EDIL3: variants seen among roughly 807,000 people sequenced by gnomAD.
The protein encoded by EDIL3 is EGF-like repeat and discoidin I-like domain-containing protein 3.
In EDIL3, 37 loss-of-function variants were observed where a neutral mutation model predicts 67.4. That is an observed-to-expected ratio of 0.55 (90% CI 0.42 to 0.72). The LOEUF (loss-of-function observed/expected upper bound fraction) is 0.72, where lower values mean the gene tolerates loss of function less well. Ranked by LOEUF, EDIL3 falls within the 30% of genes least tolerant of loss-of-function variation. EDIL3 has a pLI of 0.00. For synonymous variants in EDIL3, 195 were observed against 196.3 expected (o/e 0.99, Z 0.05); for missense variants, 527 against 586.3 (o/e 0.90, Z 1.04).
At chr5:84,127,885 G>A (rs1747894386) in intron 5 of EDIL3, among the ~76,000 whole-genome samples, 1 of 151,900 alleles carries the variant, frequency 6.6e-6, no homozygotes, top group Admixed American at 6.6e-5. Context: ...CTGAATCTTT[G>A]TTACCAATGC....
chr5:84,375,385 T>G (rs529956990), intron 1 of EDIL3, among the ~76,000 whole-genome samples: 3 of 152,176 alleles, frequency 2.0e-5, no homozygotes, highest in Non-Finnish European at 2.9e-5. Flanking sequence ...ATAAACCATA[T>G]TTTGGTTGAA....
intron 5 of EDIL3, among the ~76,000 whole-genome samples, chr5:84,121,892 G>T (rs937741898): frequency 6.6e-5 from 10 of 151,956 alleles, no homozygotes; most frequent in African/African-American, 2.4e-4. Context: ...TTCCACATTA[G>T]ATTGTAAATT....
At chr5:83,949,970 G>A (rs1197299632) in intron 10 of EDIL3, among the ~76,000 whole-genome samples, 2 of 151,808 alleles carry the variant, frequency 1.3e-5, no homozygotes, top group Non-Finnish European at 2.9e-5. Context: ...AGGAAACTAA[G>A]GTTAGCCATA....
chr5:84,265,886 G>T (rs1745337566), intron 1 of EDIL3, among the ~76,000 whole-genome samples: 1 of 152,162 alleles, frequency 6.6e-6, no homozygotes. Flanking sequence ...GAAATTATGG[G>T]TGTTTTGCCA....
At chr5:84,050,215 A>G (rs908187130) in intron 9 of EDIL3, among the ~76,000 whole-genome samples, 5 of 151,764 alleles carry the variant, frequency 3.3e-5, no homozygotes, top group African/African-American at 1.2e-4. Context: ...AAAAAAAAAA[A>G]AAAAAAATCA....
chr5:84,248,636 A>G (rs950650547), intron 2 of EDIL3, among the ~76,000 whole-genome samples: 7 of 152,282 alleles, frequency 4.6e-5, no homozygotes, highest in South Asian at 2.1e-4. Flanking sequence ...GTCAAATTCA[A>G]CATGTGAAAT....
intron 10 of EDIL3, among the ~76,000 whole-genome samples, chr5:83,961,338 T>C (rs983407503): frequency 1.3e-5 from 2 of 151,108 alleles, no homozygotes; most frequent in Admixed American, 1.3e-4. Flanking sequence ...AGCAAAGATA[T>C]AGAAAACCTG....
chr5:84,373,526 G>C (rs997088574), intron 1 of EDIL3, among the ~76,000 whole-genome samples: 6 of 152,008 alleles, frequency 3.9e-5, no homozygotes, highest in African/African-American at 1.4e-4. Context: ...ATCACTTTTT[G>C]ATAGTACTCA....
intron 6 of EDIL3, among the ~76,000 whole-genome samples, chr5:84,100,491 A>G (rs1238973744): frequency 1.3e-5 from 2 of 151,938 alleles, no homozygotes; most frequent in African/African-American, 2.4e-5. Flanking sequence ...ACCAAACACC[A>G]CATGTTCTCA....
chr5:84,136,977 A>G (rs1486112870), intron 5 of EDIL3, among the ~76,000 whole-genome samples: 1 of 152,118 alleles, frequency 6.6e-6, no homozygotes, highest in African/African-American at 2.4e-5. Context: ...AGGTCACAAG[A>G]TACCATTTCT....
chr5:84,036,519 A>G (rs1431665236), intron 9 of EDIL3, among the ~76,000 whole-genome samples: 1 of 152,154 alleles, frequency 6.6e-6, no homozygotes, highest in Admixed American at 6.6e-5. Flanking sequence ...TAAACAGCAA[A>G]GTCAAACCTT....
intron 10 of EDIL3, among the ~76,000 whole-genome samples, chr5:83,947,759 A>T (rs1489854650): frequency 6.6e-6 from 1 of 151,830 alleles, no homozygotes; most frequent in Non-Finnish European, 1.5e-5. Context: ...AGTCTATTGA[A>T]TCTAGTGCTT....
chr5:84,290,908 T>A (rs1237855886), intron 1 of EDIL3, among the ~76,000 whole-genome samples: 5 of 152,196 alleles, frequency 3.3e-5, no homozygotes, highest in East Asian at 1.9e-4. Context: ...TCATTTCAAG[T>A]GGCTCAGTTT....
chr5:84,134,227 A>C (rs1001893318), intron 5 of EDIL3, among the ~76,000 whole-genome samples: 1 of 152,182 alleles, frequency 6.6e-6, no homozygotes, highest in Non-Finnish European at 1.5e-5. Context: ...CTCAACAAAA[A>C]CATCTTGCTT....
chr5:84,160,096 G>C (rs527655836), intron 4 of EDIL3, among the ~76,000 whole-genome samples: 10 of 152,090 alleles, frequency 6.6e-5, no homozygotes. Context: ...TGATAAAAGG[G>C]TTCTGCTTTG....
At chr5:84,040,911 C>T (rs530015614) in intron 9 of EDIL3, among the ~76,000 whole-genome samples, 13 of 152,270 alleles carry the variant, frequency 8.5e-5, no homozygotes, top group Admixed American at 3.3e-4. Flanking sequence ...GCCGATGGAT[C>T]GCTTGAGCTC....
chr5:84,288,275 T>A (rs567299050), intron 1 of EDIL3, among the ~76,000 whole-genome samples: 6 of 152,078 alleles, frequency 3.9e-5, no homozygotes, highest in Non-Finnish European at 7.4e-5. Context: ...TGTGACCATT[T>A]CTCACCCCTA....
intron 1 of EDIL3, among the ~76,000 whole-genome samples, chr5:84,344,903 A>G (rs1747205806): frequency 6.6e-6 from 1 of 152,150 alleles, no homozygotes. Context: ...ATGTTAGTTC[A>G]AAATTATAAT....
At chr5:84,152,584 A>G (rs1196753948) in intron 4 of EDIL3, among the ~76,000 whole-genome samples, 3 of 152,230 alleles carry the variant, frequency 2.0e-5, no homozygotes, top group Non-Finnish European at 4.4e-5. Context: ...ACTGGACTAA[A>G]TGTCAGTAAA....
Sources: allele counts gnomAD v4.1 joint callset (sites outside exome capture counted in the v4.1 genomes callset), GRCh38; gene constraint gnomAD v4.1.1; transcripts MANE v1.5; gene names NCBI Gene and HGNC (gene_info 2026-07-23, HGNC 2026-07-21).